The following SMYD3 variants were observed in gnomAD, a reference collection of about 807,000 sequenced individuals.
SMYD3 encodes the protein histone-lysine N-methyltransferase SMYD3.
SMYD3 carries 36 observed loss-of-function variants against 57.7 expected under a neutral mutation model. That is an observed-to-expected ratio of 0.62 (90% CI 0.48 to 0.82). SMYD3 has a LOEUF of 0.82. SMYD3 is among the 40% of genes least tolerant of loss of function. The pLI is 0.00. For missense variants in SMYD3, 515 were observed against 538.8 expected (o/e 0.96, Z 0.44); for synonymous variants, 211 against 195.0 (o/e 1.08, Z -0.68).
intron 5 of SMYD3, among the ~76,000 whole-genome samples, chr1:246,245,431 A>C (rs1422797808): frequency 6.6e-6 from 1 of 152,154 alleles, no homozygotes. Flanking sequence ...TGACAGAACG[A>C]GACTCTGTCT....
intron 1 of SMYD3, among the ~76,000 whole-genome samples, chr1:246,437,281 G>T (rs1200923692): frequency 6.6e-6 from 1 of 152,150 alleles, no homozygotes; most frequent in Admixed American, 6.5e-5. Context: ...AGTTTTTGGA[G>T]AAAAAGCCTA....
intron 5 of SMYD3, among the ~76,000 whole-genome samples, chr1:246,026,688 C>T (rs1365655056): frequency 1.3e-5 from 2 of 152,224 alleles, no homozygotes; most frequent in East Asian, 1.9e-4. Flanking sequence ...TGCATTCTGA[C>T]AGCTTCACCA....
chr1:246,486,765 G>C (rs575856494), intron 1 of SMYD3, among the ~76,000 whole-genome samples: 1 of 152,154 alleles, frequency 6.6e-6, no homozygotes, highest in African/African-American at 2.4e-5. Flanking sequence ...TAATTAAAAA[G>C]TGATCTTCAA....
intron 1 of SMYD3, among the ~76,000 whole-genome samples, chr1:246,382,390 C>A (rs2066403265): frequency 6.6e-6 from 1 of 152,096 alleles, no homozygotes; most frequent in South Asian, 2.1e-4. Context: ...TGGACCCACG[C>A]TCCAGCAAAC....
At chr1:245,980,791 T>C (rs2148068408) in intron 5 of SMYD3, among the ~76,000 whole-genome samples, 1 of 152,388 alleles carries the variant, frequency 6.6e-6, no homozygotes, top group Admixed American at 6.5e-5. Context: ...TACTCCAGAC[T>C]GTATGATATG....
At position 246,088,473 on chromosome 1, in the gene SMYD3, G is replaced by A. The variant is rs374536778; in HGVS notation, c.532-158536C>T. Among the ~76,000 whole-genome samples, 6 of 133,610 alleles carry A rather than the reference G, an allele frequency of 4.5e-5. 1 individual carries two copies. In the East Asian group the frequency reaches 1.2e-3, roughly 27 times the overall value. 87.7% of individuals were successfully genotyped at this position (133,610 alleles called of 152,430 possible). A position where few individuals can be genotyped will look rare whatever the true frequency, so the allele number is the denominator to read the frequency against. ...AAATACAAAAAAATTAGCCGGGCGT[G>A]GTGACAGGCGCCTGTAGTCCCAGCT... On this transcript the variant is annotated intron_variant, in intron 5 of 11. Transcript: ENST00000490107.
chr1:246,401,626 C>T (rs1301658673), intron 1 of SMYD3, among the ~76,000 whole-genome samples: 1 of 151,858 alleles, frequency 6.6e-6, no homozygotes, highest in Non-Finnish European at 1.5e-5. Context: ...GCCACCATGC[C>T]CAGCCTTAAA....
chr1:245,808,392 A>G (rs976548177), intron 10 of SMYD3, among the ~76,000 whole-genome samples: 3 of 152,242 alleles, frequency 2.0e-5, no homozygotes, highest in African/African-American at 4.8e-5. Flanking sequence ...TTGAAAGGAA[A>G]AAGGGAAGAG....
At chr1:246,334,932 C>T (rs746409731) in intron 3 of SMYD3, among the ~76,000 whole-genome samples, 3 of 151,998 alleles carry the variant, frequency 2.0e-5, no homozygotes, top group Admixed American at 6.6e-5. Context: ...AAATCATTTG[C>T]GAAAGGAAGA....
intron 5 of SMYD3, among the ~76,000 whole-genome samples, chr1:246,159,194 T>C (rs966937782): frequency 2.6e-5 from 4 of 152,154 alleles, no homozygotes; most frequent in African/African-American, 9.7e-5. Context: ...TTCACTGCTT[T>C]CAACAGAATA....
At chr1:246,386,995 T>C (rs895530988) in intron 1 of SMYD3, among the ~76,000 whole-genome samples, 1 of 152,244 alleles carries the variant, frequency 6.6e-6, no homozygotes, top group Admixed American at 6.5e-5. Flanking sequence ...TTTGGGGAAC[T>C]ACCTATGTTA....
At chr1:245,757,694 T>C (rs1339905352) in intron 11 of SMYD3, among the ~76,000 whole-genome samples, 1 of 152,162 alleles carries the variant, frequency 6.6e-6, no homozygotes, top group East Asian at 1.9e-4. Context: ...CATTTTTCCA[T>C]TGAGTGGTCT....
chr1:246,040,369 C>T (rs777180546), intron 5 of SMYD3, among the ~76,000 whole-genome samples: 5 of 152,164 alleles, frequency 3.3e-5, no homozygotes, highest in Admixed American at 1.3e-4. Flanking sequence ...CCACCACAAA[C>T]GCAAGTGCTG....
chr1:245,959,494 G>A (rs575969991), intron 5 of SMYD3, among the ~76,000 whole-genome samples: 1 of 152,282 alleles, frequency 6.6e-6, no homozygotes, highest in Admixed American at 6.5e-5. Context: ...AAAGTCTTGG[G>A]TGATTTCATC....
chr1:246,492,850 G>T (rs143881529), intron 1 of SMYD3, among the ~76,000 whole-genome samples: 1 of 152,292 alleles, frequency 6.6e-6, no homozygotes, highest in South Asian at 2.1e-4. Context: ...GCAAGGAGCC[G>T]GTTTGAACTG....
intron 10 of SMYD3, among the ~76,000 whole-genome samples, chr1:245,806,915 T>TC (rs2048199019): frequency 4.4e-5 from 1 of 22,632 alleles, no homozygotes; most frequent in Non-Finnish European, 6.6e-5. Context: ...AGACTCCGTC[T>TC]CAAAAAAAAA....
chr1:246,129,569 A>T (rs1275563818), intron 5 of SMYD3, among the ~76,000 whole-genome samples: 1 of 152,106 alleles, frequency 6.6e-6, no homozygotes, highest in African/African-American at 2.4e-5. Context: ...CTGCATGTTC[A>T]CTATTCAAAG....
At chr1:246,455,570 C>G (rs1193509607) in intron 1 of SMYD3, among the ~76,000 whole-genome samples, 2 of 152,104 alleles carry the variant, frequency 1.3e-5, no homozygotes, top group East Asian at 3.9e-4. Context: ...TATAGAAAAG[C>G]CAGATACTAT....
chr1:246,017,081 T>A (rs1200921430), intron 5 of SMYD3, among the ~76,000 whole-genome samples: 2 of 152,176 alleles, frequency 1.3e-5, no homozygotes, highest in Non-Finnish European at 2.9e-5. Flanking sequence ...AACATGAACA[T>A]TTTTAGGGCT....
Sources: allele counts gnomAD v4.1 joint callset (sites outside exome capture counted in the v4.1 genomes callset), GRCh38; gene constraint gnomAD v4.1.1; transcripts MANE v1.5; gene names NCBI Gene and HGNC (gene_info 2026-07-23, HGNC 2026-07-21).